RELN: variants seen among roughly 807,000 people sequenced by gnomAD.
RELN encodes reelin.
RELN carries 108 observed loss-of-function variants against 427.6 expected under a neutral mutation model. The observed-to-expected ratio is 0.25, with a 90% confidence interval of 0.22 to 0.30. The LOEUF (loss-of-function observed/expected upper bound fraction) is 0.30, where lower values mean the gene tolerates loss of function less well. Ranked by LOEUF, RELN falls within the 10% of genes least tolerant of loss-of-function variation. The pLI is 1.00. For synonymous variants in RELN, 1,524 were observed against 1,513.4 expected (o/e 1.01, Z -0.16); for missense variants, 3,715 against 4,302.8 (o/e 0.86, Z 3.82).
intron 1 of RELN, among the ~76,000 whole-genome samples, chr7:103,957,533 CG>C (rs1446216920): frequency 6.6e-6 from 1 of 152,040 alleles, no homozygotes; most frequent in South Asian, 2.1e-4. Flanking sequence ...TTTTGTGAAT[CG>C]AGGCACAGGG....
At chr7:103,803,485 GTGA>G (rs953930863) in intron 3 of RELN, among the ~76,000 whole-genome samples, 9 of 152,226 alleles carry the variant, frequency 5.9e-5, no homozygotes, top group Middle Eastern at 3.4e-3. Context: ...CCTGGCTGGA[GTGA>G]TGATAATTGC....
intron 20 of RELN, among the ~76,000 whole-genome samples, chr7:103,622,360 C>T (rs894665072): frequency 1.3e-5 from 2 of 152,170 alleles, no homozygotes; most frequent in African/African-American, 4.8e-5. Context: ...CCACTGCCAC[C>T]ATCCTATCCT....
chr7:103,974,789 C>G (rs1250734972), intron 1 of RELN, among the ~76,000 whole-genome samples: 2 of 152,158 alleles, frequency 1.3e-5, no homozygotes, highest in African/African-American at 4.8e-5. Context: ...GGTTTCTATC[C>G]TTCCCACTAT....
chr7:103,614,690 C>T (rs1832040368), intron 20 of RELN, among the ~76,000 whole-genome samples: 1 of 152,208 alleles, frequency 6.6e-6, no homozygotes, highest in African/African-American at 2.4e-5. Flanking sequence ...AGCCTCTTTA[C>T]TTTCATCTAT....
At chr7:103,781,419 G>A (rs551710708) in intron 3 of RELN, among the ~76,000 whole-genome samples, 1 of 152,038 alleles carries the variant, frequency 6.6e-6, no homozygotes, top group Non-Finnish European at 1.5e-5. Flanking sequence ...TAGAGGTTGG[G>A]TCCTCCAATT....
intron 19 of RELN, among the ~76,000 whole-genome samples, chr7:103,633,906 C>T (rs1407476094): frequency 1.3e-5 from 2 of 151,960 alleles, no homozygotes; most frequent in Non-Finnish European, 2.9e-5. Flanking sequence ...ATTCATTTGT[C>T]TCTACTCAGT....
intron 3 of RELN, among the ~76,000 whole-genome samples, chr7:103,810,241 C>T (rs767199915): frequency 1.3e-4 from 20 of 152,244 alleles, no homozygotes; most frequent in Middle Eastern, 6.8e-3. Context: ...TGCTTTCATG[C>T]GTGCATTTAC....
chr7:103,551,253 A>G lies in RELN; in HGVS notation c.6116T>C (p.Val2039Ala), dbSNP rs910482846. Residue 2039 changes from valine (V) to alanine (A), a missense_variant, in exon 41 of 65, where the codon GTG becomes GCG. Physicochemically the swap from Val to Ala is moderately conservative, Grantham distance 64. Around this residue, in one of 4 missense-constraint regions of RELN, gnomAD observed 1,310 missense variants for 1,643.0 expected, o/e 0.80. Coordinates refer to ENST00000428762, the MANE Select transcript of RELN (RefSeq NM_005045.4). Reference sequence around the variant, plus strand: ...GAAGTCCCTTGAAAATTCCAGTCTCACTGGATCCGCGGATGAGCTATCAGT... The same window carrying G: ...GAAGTCCCTTGAAAATTCCAGTCTCGCTGGATCCGCGGATGAGCTATCAGT... ...CSTDSSSADP[V>A]RLEFSRDFGA... 3 of 1,613,760 alleles carry G rather than the reference A, an allele frequency of 1.9e-6. No homozygotes were observed. The highest frequency in any genetic ancestry group is 1.3e-5 in the African/African-American group (1 of 74,854).
Position 103,701,244 on chromosome 7 carries a change from G to T in RELN, c.806-238C>A, listed in dbSNP as rs10237247. ...ATATAAATTGCAGATTTCTTTAGAG[G>T]TACATGAACTACTAAATTAAATTGT... On this transcript the variant is annotated intron_variant, in intron 8 of 64. Transcript: ENST00000428762. Among the ~76,000 whole-genome samples, 146 of 151,988 alleles carry T rather than the reference G, an allele frequency of 9.6e-4. 1 individual carries two copies. The highest frequency in any genetic ancestry group is 3.4e-3 in the African/African-American group (143 of 41,464).
Position 103,610,727 on chromosome 7 carries a change from C to T in RELN, c.2976G>A (p.Arg992=), listed in dbSNP as rs1250895278. 5 of 1,606,050 alleles carry T rather than the reference C, an allele frequency of 3.1e-6. No homozygotes were observed. The highest frequency in any genetic ancestry group is 3.4e-6 in the Non-Finnish European group (4 of 1,173,000). The change falls in exon 22 of 65, where the codon AGG becomes AGA. Residue 992 remains arginine (R), a synonymous_variant. Transcript: ENST00000428762. Reference sequence around the variant, plus strand: ...TCTGGGGAAGAAGCACTATGACTCTCCTCCACTGTGTAAACTCACTGGCAT... The same window carrying T: ...TCTGGGGAAGAAGCACTATGACTCTTCTCCACTGTGTAAACTCACTGGCAT... The part of the protein sequence containing the change: ...IYHASEFTQW[R]RVIVLLPQKT...
chr7:103,807,812 G>A (rs1030856848), intron 3 of RELN, among the ~76,000 whole-genome samples: 7 of 152,154 alleles, frequency 4.6e-5, no homozygotes, highest in East Asian at 1.9e-4. Flanking sequence ...TTATGGCTAC[G>A]TAGTATTTCA....
Position 103,623,382 on chromosome 7 carries a change from G to A in RELN, c.2702+6558C>T, listed in dbSNP as rs912171418. On this transcript the variant is annotated intron_variant, in intron 20 of 64. Coordinates refer to ENST00000428762, the MANE Select transcript of RELN (RefSeq NM_005045.4). Reference sequence around the variant, plus strand: ...AAACTATTTAAAAGACAAAATTTCTGTATAAGCTACAGGTTAATGTTTCGT... The same window carrying A: ...AAACTATTTAAAAGACAAAATTTCTATATAAGCTACAGGTTAATGTTTCGT... Among the ~76,000 whole-genome samples, 122 of 152,148 alleles carry A rather than the reference G, an allele frequency of 8.0e-4. 1 individual carries two copies. Among genetic ancestry groups the A allele is most frequent in the Non-Finnish European group, 4.7e-4 (32 of 68,024 alleles).
chr7:103,923,917 T>C (rs1795669373), intron 1 of RELN, among the ~76,000 whole-genome samples: 1 of 152,208 alleles, frequency 6.6e-6, no homozygotes, highest in South Asian at 2.1e-4. Context: ...TCTAAATCTT[T>C]TATAGGTATT....
chr7:103,865,700 C>T (rs1199147900), intron 2 of RELN, among the ~76,000 whole-genome samples: 2 of 152,152 alleles, frequency 1.3e-5, no homozygotes, highest in African/African-American at 4.8e-5. Flanking sequence ...ATCCGAAATT[C>T]TTTCATGATA....
chr7:103,950,738 T>G (rs991683899), intron 1 of RELN, among the ~76,000 whole-genome samples: 3 of 152,240 alleles, frequency 2.0e-5, no homozygotes, highest in African/African-American at 7.2e-5. Context: ...ATTTTGACTT[T>G]TAAGGAACAG....
intron 28 of RELN, among the ~76,000 whole-genome samples, chr7:103,587,957 C>T (rs1342840615): frequency 6.6e-6 from 1 of 152,154 alleles, no homozygotes; most frequent in Non-Finnish European, 1.5e-5. Context: ...ACTAGTACAG[C>T]CACTGTGGAA....
chr7:103,495,209 G>A (rs1244387575), intron 57 of RELN, among the ~76,000 whole-genome samples: 5 of 128,952 alleles, frequency 3.9e-5, no homozygotes, highest in Middle Eastern at 5.6e-3. Flanking sequence ...ACAGAATCTC[G>A]TTCTGTCGCC....
At chr7:103,649,907 T>C (rs1376075510) in intron 16 of RELN, among the ~76,000 whole-genome samples, 3 of 151,984 alleles carry the variant, frequency 2.0e-5, no homozygotes, top group Non-Finnish European at 4.4e-5. Flanking sequence ...AAGAGAAGAA[T>C]GGGTCTTATT....
intron 8 of RELN, among the ~76,000 whole-genome samples, chr7:103,704,226 T>C (rs1351568328): frequency 2.6e-5 from 4 of 152,218 alleles, no homozygotes; most frequent in African/African-American, 9.6e-5. Flanking sequence ...CTCAACCCCA[T>C]AATATATAAG....
Sources: allele counts gnomAD v4.1 joint callset (sites outside exome capture counted in the v4.1 genomes callset), GRCh38; gene constraint gnomAD v4.1.1; regional missense constraint gnomAD v4.1.1; transcripts MANE v1.5; gene names NCBI Gene and HGNC (gene_info 2026-07-23, HGNC 2026-07-21).